Variants in SUCLG2 observed in about 807,000 individuals in gnomAD.
SUCLG2 encodes succinate--CoA ligase [GDP-forming] subunit beta, mitochondrial.
In SUCLG2, 42 loss-of-function variants were observed where a neutral mutation model predicts 47.9. The ratio of observed to expected loss-of-function variants is 0.88; its 90% CI spans 0.69 to 1.14. The LOEUF (loss-of-function observed/expected upper bound fraction) is 1.14. Ranked by LOEUF, SUCLG2 falls within the 50% of genes most tolerant of loss-of-function variation. SUCLG2 has a pLI of 0.00. For synonymous variants in SUCLG2, 195 were observed against 197.3 expected, an observed-to-expected ratio of 0.99 and a Z score of 0.10; for missense variants, 571 against 525.9, an observed-to-expected ratio of 1.09 and a Z score of -0.84.
intron 9 of SUCLG2, among the ~76,000 whole-genome samples, chr3:67,447,623 G>C (rs1302790044): frequency 6.6e-6 from 1 of 152,154 alleles, no homozygotes; most frequent in Non-Finnish European, 1.5e-5. Context: ...AGAAGTATTG[G>C]GTAATTAATG....
intron 9 of SUCLG2, among the ~76,000 whole-genome samples, chr3:67,457,041 C>T (rs1040389335): frequency 1.3e-5 from 2 of 152,158 alleles, no homozygotes; most frequent in African/African-American, 4.8e-5. Context: ...TTCAAGTCAT[C>T]ATATAATAAC....
intron 2 of SUCLG2, among the ~76,000 whole-genome samples, chr3:67,573,246 A>G (rs1383262907): frequency 1.3e-5 from 2 of 152,234 alleles, no homozygotes; most frequent in African/African-American, 4.8e-5. Flanking sequence ...CAATTGATGT[A>G]CAGGATCAAC....
At chr3:67,517,440 C>T (rs902857518) in intron 6 of SUCLG2, among the ~76,000 whole-genome samples, 4 of 152,136 alleles carry the variant, frequency 2.6e-5, no homozygotes, top group Non-Finnish European at 5.9e-5. Context: ...TGCACACATA[C>T]ACACAATCTA....
At chr3:67,511,241 T>C (rs1229752939) in intron 6 of SUCLG2, among the ~76,000 whole-genome samples, 1 of 152,208 alleles carries the variant, frequency 6.6e-6, no homozygotes, top group African/African-American at 2.4e-5. Flanking sequence ...AAAGTGAAAA[T>C]TATCAGAGAC....
At chr3:67,626,899 G>C (rs957646039) in intron 1 of SUCLG2, among the ~76,000 whole-genome samples, 1 of 122,556 alleles carries the variant, frequency 8.2e-6, no homozygotes, top group African/African-American at 3.1e-5. Context: ...GGGCGACAGA[G>C]TGAGACTCCG....
chr3:67,482,644 G>A (rs1704947778), intron 9 of SUCLG2, among the ~76,000 whole-genome samples: 1 of 152,102 alleles, frequency 6.6e-6, no homozygotes, highest in Non-Finnish European at 1.5e-5. Context: ...ATAAAACACA[G>A]AAAATATCAG....
chr3:67,545,839 T>C (rs969109363), intron 2 of SUCLG2, among the ~76,000 whole-genome samples: 2 of 152,324 alleles, frequency 1.3e-5, no homozygotes, highest in African/African-American at 4.8e-5. Context: ...AGATAACTAA[T>C]TTCAGTTCCA....
intron 7 of SUCLG2, among the ~76,000 whole-genome samples, chr3:67,504,264 G>C (rs1418933534): frequency 2.6e-5 from 4 of 151,698 alleles, no homozygotes. Flanking sequence ...GGGGGGTTGG[G>C]GGAGGTAGAG....
intron 1 of SUCLG2, among the ~76,000 whole-genome samples, chr3:67,620,367 C>T (rs1283410311): frequency 6.6e-6 from 1 of 151,798 alleles, no homozygotes; most frequent in African/African-American, 2.4e-5. Flanking sequence ...GATGGATCAC[C>T]TGAGGTCAGG....
At chr3:67,599,701 C>T (rs1174904527) in intron 2 of SUCLG2, among the ~76,000 whole-genome samples, 1 of 135,454 alleles carries the variant, frequency 7.4e-6, no homozygotes, top group Admixed American at 7.5e-5. Flanking sequence ...TATATTTGCT[C>T]AAATAAAAGC....
chr3:67,473,302 A>T (rs952805537), intron 9 of SUCLG2, among the ~76,000 whole-genome samples: 1 of 152,146 alleles, frequency 6.6e-6, no homozygotes, highest in Non-Finnish European at 1.5e-5. Context: ...ACCTAGCTTG[A>T]TGACTTTATT....
chr3:67,648,903 C>T (rs1229841312), intron 1 of SUCLG2, among the ~76,000 whole-genome samples: 6 of 152,178 alleles, frequency 3.9e-5, no homozygotes, highest in Non-Finnish European at 8.8e-5. Flanking sequence ...GAATCACTCA[C>T]GCTGTTACAT....
At chr3:67,569,986 AG>A (rs1321317150) in intron 2 of SUCLG2, among the ~76,000 whole-genome samples, 2 of 152,200 alleles carry the variant, frequency 1.3e-5, no homozygotes, top group African/African-American at 4.8e-5. Flanking sequence ...ATTTAGAGAC[AG>A]GGTCTTTAAA....
At chr3:67,549,854 C>A (rs1314005998) in intron 2 of SUCLG2, among the ~76,000 whole-genome samples, 1 of 148,534 alleles carries the variant, frequency 6.7e-6, no homozygotes, top group Non-Finnish European at 1.5e-5. Context: ...TAAATTTTTT[C>A]TTTTTTTTTT....
At chr3:67,501,623 G>A (rs1023143076) in intron 7 of SUCLG2, among the ~76,000 whole-genome samples, 1 of 152,072 alleles carries the variant, frequency 6.6e-6, no homozygotes, top group African/African-American at 2.4e-5. Flanking sequence ...TATGGGGCTG[G>A]TCGCCAGAAA....
At chr3:67,440,502 C>G (rs1224804312) in intron 9 of SUCLG2, among the ~76,000 whole-genome samples, 2 of 152,090 alleles carry the variant, frequency 1.3e-5, no homozygotes, top group Non-Finnish European at 2.9e-5. Context: ...GGGCTAATAT[C>G]CAGAATCTAC....
intron 9 of SUCLG2, among the ~76,000 whole-genome samples, chr3:67,447,526 G>A (rs760042039): frequency 6.6e-6 from 1 of 152,034 alleles, no homozygotes; most frequent in African/African-American, 2.4e-5. Context: ...TGTCATGGAG[G>A]GCAGGAGAAA....
intron 8 of SUCLG2, 128 bp downstream of exon 8, chr3:67,498,006 C>A: frequency 2.0e-6 from 2 of 985,052 alleles, no homozygotes; most frequent in East Asian, 2.5e-5. Context: ...GGATACTTTC[C>A]TAAGACTTTT....
intron 1 of SUCLG2, among the ~76,000 whole-genome samples, chr3:67,624,878 T>C (rs1360733786): frequency 6.6e-6 from 1 of 152,214 alleles, no homozygotes; most frequent in African/African-American, 2.4e-5. Flanking sequence ...GTGAAATACA[T>C]ACTGTCATTC....
Sources: gnomAD v4.1 joint callset for allele counts (sites outside exome capture counted in the v4.1 genomes callset) on GRCh38, gnomAD v4.1.1 for gene constraint, MANE v1.5 for transcripts, NCBI Gene and HGNC (gene_info 2026-07-23, HGNC 2026-07-21) for gene names.